SMYD3: variants seen among roughly 807,000 people sequenced by gnomAD.
SMYD3 encodes the protein histone-lysine N-methyltransferase SMYD3.
SMYD3 carries 36 observed loss-of-function variants against 57.7 expected under a neutral mutation model. The ratio of observed to expected loss-of-function variants is 0.62; its 90% CI spans 0.48 to 0.82. The LOEUF is 0.82. Ranked by LOEUF, SMYD3 falls within the 40% of genes least tolerant of loss-of-function variation. SMYD3 has a pLI of 0.00. For synonymous variants in SMYD3, 211 were observed against 195.0 expected, an observed-to-expected ratio of 1.08 and a Z score of -0.68; for missense variants, 515 against 538.8, an observed-to-expected ratio of 0.96 and a Z score of 0.44.
intron 5 of SMYD3, among the ~76,000 whole-genome samples, chr1:245,938,853 A>G (rs1277253059): frequency 1.3e-5 from 2 of 152,142 alleles, no homozygotes; most frequent in Non-Finnish European, 2.9e-5. Context: ...CTGCCCCTAC[A>G]CCGCTTCAGT....
intron 5 of SMYD3, among the ~76,000 whole-genome samples, chr1:245,964,959 A>C (rs1173641762): frequency 6.6e-6 from 1 of 152,082 alleles, no homozygotes; most frequent in Non-Finnish European, 1.5e-5. Flanking sequence ...TCAAACACCA[A>C]ACCACAGATC....
chr1:245,850,971 T>A (rs1030829183), intron 10 of SMYD3, among the ~76,000 whole-genome samples: 146 of 152,000 alleles, frequency 9.6e-4, no homozygotes, highest in Non-Finnish European at 1.6e-3. Flanking sequence ...AACAGGGGTT[T>A]AGCCATAGGG....
chr1:246,240,344 G>C (rs569104700), intron 5 of SMYD3, among the ~76,000 whole-genome samples: 2 of 152,298 alleles, frequency 1.3e-5, no homozygotes, highest in Admixed American at 6.5e-5. Context: ...TTATTAAATA[G>C]GGAATCTTTC....
chr1:245,783,172 T>C (rs2046901566), intron 10 of SMYD3, among the ~76,000 whole-genome samples: 1 of 152,198 alleles, frequency 6.6e-6, no homozygotes, highest in Non-Finnish European at 1.5e-5. Flanking sequence ...GCAGGTATCA[T>C]ACATAACGTG....
chr1:246,286,353 GACAAATC>G (rs1378399961), intron 5 of SMYD3, among the ~76,000 whole-genome samples: 1 of 151,732 alleles, frequency 6.6e-6, no homozygotes, highest in African/African-American at 2.4e-5. Flanking sequence ...TTTTTAATCT[GACAAATC>G]ACAAATCACC....
intron 5 of SMYD3, among the ~76,000 whole-genome samples, chr1:245,932,613 G>A (rs1298798071): frequency 6.6e-6 from 1 of 152,162 alleles, no homozygotes; most frequent in Non-Finnish European, 1.5e-5. Flanking sequence ...AGGCTGGAGT[G>A]CAGTGGTGCG....
At chr1:246,004,199 C>A (rs2059131971) in intron 5 of SMYD3, among the ~76,000 whole-genome samples, 1 of 152,172 alleles carries the variant, frequency 6.6e-6, no homozygotes, top group South Asian at 2.1e-4. Flanking sequence ...CCAAAGAGAT[C>A]TACCAGAGAA....
intron 11 of SMYD3, among the ~76,000 whole-genome samples, chr1:245,752,465 G>A (rs776339190): frequency 2.0e-5 from 3 of 152,170 alleles, no homozygotes; most frequent in Non-Finnish European, 4.4e-5. Context: ...TGACTCAGAG[G>A]CTAAATGACA....
At chr1:245,853,596 C>G (rs2051088211) in intron 10 of SMYD3, among the ~76,000 whole-genome samples, 1 of 152,206 alleles carries the variant, frequency 6.6e-6, no homozygotes. Context: ...GAATGTCACA[C>G]TGACAAAAAC....
At chr1:246,161,204 G>A (rs944556452) in intron 5 of SMYD3, among the ~76,000 whole-genome samples, 2 of 152,256 alleles carry the variant, frequency 1.3e-5, no homozygotes, top group South Asian at 2.1e-4. Flanking sequence ...CCTGCATGCC[G>A]CCAAGCATGA....
At chr1:245,861,871 TCTTCTAA>T (rs11279918) in intron 9 of SMYD3, among the ~76,000 whole-genome samples, 83,866 of 151,418 alleles carry the variant, frequency 0.55, 26,349 homozygotes, top group Non-Finnish European at 0.73. Flanking sequence ...CAGGGCTGTG[TCTTCTAA>T]CTTCTGTCTG....
intron 10 of SMYD3, among the ~76,000 whole-genome samples, chr1:245,770,468 T>G (rs2046291082): frequency 6.6e-6 from 1 of 152,218 alleles, no homozygotes; most frequent in Admixed American, 6.5e-5. Flanking sequence ...AAAGAATGAA[T>G]CACTTCAAAT....
chr1:246,030,602 G>GT (rs1199499715), intron 5 of SMYD3, among the ~76,000 whole-genome samples: 17 of 152,130 alleles, frequency 1.1e-4, no homozygotes, highest in African/African-American at 4.1e-4. Flanking sequence ...TGATGGTATA[G>GT]TGATCACTCT....
chr1:246,022,412 GT>G (rs1317050791), intron 5 of SMYD3, among the ~76,000 whole-genome samples: 1 of 152,150 alleles, frequency 6.6e-6, no homozygotes, highest in African/African-American at 2.4e-5. Context: ...AAGAACGTGG[GT>G]TCTGGAGCCA....
chr1:246,419,291 G>T (rs1480686962), intron 1 of SMYD3, among the ~76,000 whole-genome samples: 1 of 152,176 alleles, frequency 6.6e-6, no homozygotes, highest in Admixed American at 6.5e-5. Context: ...CTGCACCCAG[G>T]TGATTAAAAA....
chr1:245,801,714 C>T (rs890938453), intron 10 of SMYD3, among the ~76,000 whole-genome samples: 5 of 80,980 alleles, frequency 6.2e-5, no homozygotes, highest in Admixed American at 3.4e-4. Context: ...ATAGCAGAAT[C>T]AGGATTTGTT....
At chr1:245,879,128 T>C (rs2052640455) in intron 8 of SMYD3, among the ~76,000 whole-genome samples, 2 of 152,216 alleles carry the variant, frequency 1.3e-5, no homozygotes, top group African/African-American at 2.4e-5. Context: ...CATTAAACTA[T>C]TGGAAACTAT....
At chr1:246,273,339 G>A (rs192335186) in intron 5 of SMYD3, among the ~76,000 whole-genome samples, 17 of 150,698 alleles carry the variant, frequency 1.1e-4, no homozygotes, top group South Asian at 1.0e-3. Context: ...TGGTAAAGAC[G>A]GGGTTTCACC....
chr1:245,946,450 G>A (rs1193606349), intron 5 of SMYD3, among the ~76,000 whole-genome samples: 1 of 152,080 alleles, frequency 6.6e-6, no homozygotes, highest in African/African-American at 2.4e-5. Context: ...CGCCACTCAC[G>A]CCTCAAAGCA....
Sources: gnomAD v4.1 joint callset for allele counts (sites outside exome capture counted in the v4.1 genomes callset) on GRCh38, gnomAD v4.1.1 for gene constraint, MANE v1.5 for transcripts, NCBI Gene and HGNC (gene_info 2026-07-23, HGNC 2026-07-21) for gene names.